ETNK1: variants seen among roughly 807,000 people sequenced by gnomAD.
ETNK1 encodes putative protein product of Nbla10396.
In ETNK1, 8 loss-of-function variants were observed where a neutral mutation model predicts 45.1. That is an observed-to-expected ratio of 0.18 (90% CI 0.10 to 0.32). The LOEUF is 0.32. ETNK1 is among the 10% of genes least tolerant of loss of function. The probability of loss-of-function intolerance (pLI) is 1.00; values close to 1 mark genes in which losing one functional copy is unlikely to be tolerated. For missense variants in ETNK1, 302 were observed against 430.6 expected, an observed-to-expected ratio of 0.70 and a Z score of 2.64; for synonymous variants, 152 against 151.9, an observed-to-expected ratio of 1.00 and a Z score of -0.01.
rs1368276768 is a variant in ETNK1 at position 22,625,194 on chromosome 12, G to T, written c.-237G>T. 2 of 1,608,704 alleles carry T rather than the reference G, an allele frequency of 1.2e-6. No individual in the cohort carries two copies. The highest frequency in any genetic ancestry group is 1.7e-6 in the Non-Finnish European group (2 of 1,177,584). On this transcript the variant is annotated 5_prime_UTR_variant, in exon 1 of 8. Transcript: ENST00000266517. Reference sequence around the variant, plus strand: ...CTGCGGCCGCCCGCGGTCCAGCTCCGACAACAGGAATTTTCTCCGAGAGCG... The same window carrying T: ...CTGCGGCCGCCCGCGGTCCAGCTCCTACAACAGGAATTTTCTCCGAGAGCG...
At chr12:22,667,015 G>A (rs1399009341) in intron 4 of ETNK1, among the ~76,000 whole-genome samples, 2 of 151,960 alleles carry the variant, frequency 1.3e-5, no homozygotes, top group African/African-American at 4.8e-5. Context: ...TGTTTTCTAG[G>A]GTGGTGTTTT....
At chr12:22,647,427 C>G (rs139670659) in intron 2 of ETNK1, among the ~76,000 whole-genome samples, 1 of 151,894 alleles carries the variant, frequency 6.6e-6, no homozygotes, top group East Asian at 1.9e-4. Flanking sequence ...TATATAATAA[C>G]TCAAAAGAAA....
chr12:22,661,991 G>A (rs555761785), intron 4 of ETNK1, among the ~76,000 whole-genome samples: 1 of 151,912 alleles, frequency 6.6e-6, no homozygotes, highest in Admixed American at 6.6e-5. Context: ...TTGGTTGAAG[G>A]AGTCTTACTA....
intron 1 of ETNK1, among the ~76,000 whole-genome samples, chr12:22,630,882 A>G (rs1162566229): frequency 1.3e-5 from 2 of 152,094 alleles, no homozygotes; most frequent in Non-Finnish European, 2.9e-5. Context: ...AAATACTGGG[A>G]TTACAGGCAT....
chr12:22,651,241 T>G (rs923895469), intron 2 of ETNK1, among the ~76,000 whole-genome samples: 1 of 152,214 alleles, frequency 6.6e-6, no homozygotes, highest in African/African-American at 2.4e-5. Context: ...CCCACTTTAA[T>G]CTTTTATTAT....
rs1233246941 is a variant in ETNK1, at chr12:22,689,530, C to A, written c.*4576C>A. ...TGCCATTAATCATTTTAGTACAACA[C>A]CTATGTTTATAAAAATTTGAAAACA... On this transcript the variant is annotated 3_prime_UTR_variant, in exon 8 of 8. Transcript: ENST00000266517. 2.6e-5 allele frequency: 4 copies of A among 151,906 alleles called. No homozygotes were observed. The highest frequency in any genetic ancestry group is 9.7e-5 in the African/African-American group (4 of 41,412). The allele number at this position is 151,906 out of a possible 1,614,324, so 9.4% of individuals were successfully genotyped here.
intron 1 of ETNK1, among the ~76,000 whole-genome samples, chr12:22,627,510 A>T (rs1953518128): frequency 6.6e-6 from 1 of 152,156 alleles, no homozygotes. Context: ...ATTGATGATT[A>T]TTCACCTTTC....
chr12:22,640,461 A>C (rs1953721593), intron 1 of ETNK1, among the ~76,000 whole-genome samples: 1 of 146,602 alleles, frequency 6.8e-6, no homozygotes. Flanking sequence ...ACATTTAGCT[A>C]TTTGGATTTA....
intron 6 of ETNK1, among the ~76,000 whole-genome samples, 155 bp from the exon 7 acceptor site, chr12:22,684,328 G>A (rs749469687): frequency 6.6e-6 from 1 of 151,808 alleles, no homozygotes; most frequent in Non-Finnish European, 1.5e-5. Flanking sequence ...GGGTGCAGAC[G>A]TCAGTAGGAT....
intron 2 of ETNK1, among the ~76,000 whole-genome samples, chr12:22,646,967 A>G (rs1953815734): frequency 6.6e-6 from 1 of 151,828 alleles, no homozygotes; most frequent in African/African-American, 2.4e-5. Flanking sequence ...GGAAATTAGT[A>G]TGTTTCACTG....
chr12:22,673,806 C>A, intron 6 of ETNK1, 146 bp downstream of exon 6: 1 of 790,710 alleles, frequency 1.3e-6, no homozygotes, highest in Non-Finnish European at 2.0e-6. Context: ...TTACAGTATG[C>A]ATTACCCCAT....
chr12:22,632,059 G>C (rs1953587494), intron 1 of ETNK1, among the ~76,000 whole-genome samples: 1 of 148,294 alleles, frequency 6.7e-6, no homozygotes, highest in Non-Finnish European at 1.5e-5. Flanking sequence ...CCTCCCTCTA[G>C]TGGTAATCTT....
At chr12:22,671,860 A>AAAAG (rs1954111654) in intron 5 of ETNK1, among the ~76,000 whole-genome samples, 2 of 151,134 alleles carry the variant, frequency 1.3e-5, no homozygotes, top group Non-Finnish European at 2.9e-5. Context: ...AAAAAAAAAA[A>AAAAG]AAAGTAATAG....
intron 1 of ETNK1, among the ~76,000 whole-genome samples, chr12:22,626,652 C>G (rs575986498): frequency 6.6e-6 from 1 of 152,258 alleles, no homozygotes; most frequent in South Asian, 2.1e-4. Flanking sequence ...CAGAACAGTT[C>G]CTGACACTTG....
intron 1 of ETNK1, among the ~76,000 whole-genome samples, chr12:22,629,564 G>A (rs1455118928): frequency 2.0e-5 from 3 of 151,940 alleles, no homozygotes; most frequent in Non-Finnish European, 4.4e-5. Context: ...TGCCTTAAAG[G>A]AAGAAGAAAA....
chr12:22,652,368 G>T (rs1274513655), intron 2 of ETNK1, among the ~76,000 whole-genome samples: 1 of 152,144 alleles, frequency 6.6e-6, no homozygotes. Flanking sequence ...TCGGGTGAAT[G>T]CCCAGAAGTG....
Position 22,689,090 on chromosome 12 carries a change from C to T in ETNK1, c.*4136C>T, listed in dbSNP as rs557359781. On this transcript the variant is annotated 3_prime_UTR_variant, in exon 8 of 8. Coordinates refer to ENST00000266517, the MANE Select transcript of ETNK1 (RefSeq NM_018638.5). ...TACTTGGGTATGCATTACTTGAATA[C>T]TTGAAAACTGAAATTAATAAGATGT... The T allele has an allele frequency of 3.3e-5, 5 of 151,876 alleles. No individual in the cohort carries two copies. The highest frequency in any genetic ancestry group is 5.9e-5 in the Non-Finnish European group (4 of 67,758). The allele number at this position is 151,876 out of a possible 1,614,324, so 9.4% of individuals were successfully genotyped here. A position where few individuals can be genotyped will look rare whatever the true frequency, so the allele number is the denominator to read the frequency against.
Position 22,634,239 on chromosome 12 carries a change from C to T in ETNK1, c.156+8653C>T, listed in dbSNP as rs559689163. Among the ~76,000 whole-genome samples, 6 of 151,958 alleles carry T rather than the reference C, an allele frequency of 3.9e-5. No individual in the cohort carries two copies. The South Asian group carries it at 1.2e-3, about 31-fold the overall frequency. On this transcript the variant is annotated intron_variant, in intron 1 of 7. Coordinates refer to ENST00000266517, the MANE Select transcript of ETNK1 (RefSeq NM_018638.5). ...ATTTTTCTCTTATTGAGGTGAATTA[C>T]TTTGATTGAAAAAAAATTTGAATGC...
intron 4 of ETNK1, among the ~76,000 whole-genome samples, chr12:22,669,248 A>G (rs1451364020): frequency 1.3e-5 from 2 of 152,140 alleles, no homozygotes. Flanking sequence ...AGTTTTGTAT[A>G]GGGAATTCAT....
Sources: gnomAD v4.1 joint callset for allele counts (sites outside exome capture counted in the v4.1 genomes callset) on GRCh38, gnomAD v4.1.1 for gene constraint, MANE v1.5 for transcripts, NCBI Gene and HGNC (gene_info 2026-07-23, HGNC 2026-07-21) for gene names.